Variants in CDH4 observed in about 807,000 individuals in gnomAD.
The protein encoded by CDH4 is cadherin-4.
CDH4 carries 33 observed loss-of-function variants against 86.0 expected under a neutral mutation model. The ratio of observed to expected loss-of-function variants is 0.38; its 90% CI spans 0.29 to 0.51. The LOEUF is 0.51. Among genes scored for constraint, CDH4 ranks in the 20% least tolerant of loss-of-function variants. The pLI is 0.86. For missense variants in CDH4, 1,114 were observed against 1,307.4 expected (o/e 0.85, Z 2.28); for synonymous variants, 555 against 549.4 (o/e 1.01, Z -0.14).
At chr20:61,626,634 G>A (rs1238231389) in intron 2 of CDH4, among the ~76,000 whole-genome samples, 4 of 152,166 alleles carry the variant, frequency 2.6e-5, no homozygotes, top group Non-Finnish European at 2.9e-5. Context: ...TTCCACGCCC[G>A]GGCTTAGCTA....
intron 9 of CDH4, among the ~76,000 whole-genome samples, chr20:61,913,820 C>G (rs190399080): frequency 1.3e-5 from 2 of 152,310 alleles, no homozygotes; most frequent in East Asian, 3.9e-4. Flanking sequence ...GAGGTGCTGA[C>G]AGCAGCCAGG....
chr20:61,337,812 C>T (rs1041236096), intron 2 of CDH4, among the ~76,000 whole-genome samples: 1 of 152,130 alleles, frequency 6.6e-6, no homozygotes, highest in Admixed American at 6.6e-5. Context: ...TAAACCTGTG[C>T]CCGCACCAAT....
chr20:61,621,659 G>T (rs2086778977), intron 2 of CDH4, among the ~76,000 whole-genome samples: 1 of 152,158 alleles, frequency 6.6e-6, no homozygotes, highest in Admixed American at 6.5e-5. Flanking sequence ...CCAGAGCAAA[G>T]CACCCAACAG....
chr20:61,451,123 C>CT (rs1568849718), intron 2 of CDH4, among the ~76,000 whole-genome samples: 1 of 73,138 alleles, frequency 1.4e-5, no homozygotes, highest in Non-Finnish European at 2.4e-5. Flanking sequence ...CCCTCTCACG[C>CT]CCCCCCCCTT....
intron 2 of CDH4, among the ~76,000 whole-genome samples, chr20:61,418,587 G>A (rs1410032450): frequency 6.6e-6 from 1 of 152,158 alleles, no homozygotes; most frequent in African/African-American, 2.4e-5. Flanking sequence ...TCTATCAGAT[G>A]GGCTGATAAT....
At chr20:61,790,333 C>G (rs1979108231) in intron 4 of CDH4, among the ~76,000 whole-genome samples, 1 of 151,852 alleles carries the variant, frequency 6.6e-6, no homozygotes, top group South Asian at 2.1e-4. Flanking sequence ...TTTCATCTCT[C>G]CATTCATCCA....
Position 61,544,335 on chromosome 20 carries a change from T to C in CDH4, c.170-199228T>C, listed in dbSNP as rs1043524429. On this transcript the variant is annotated intron_variant, in intron 2 of 15. Coordinates refer to ENST00000614565, the MANE Select transcript of CDH4 (RefSeq NM_001794.5). The surrounding 1 kb of genome is among the most constrained non-coding windows in gnomAD (Gnocchi z 6.5). ...CCAGGACAGCCTCGCAGCAGAAGCA[T>C]CCAGCTCCATGTATCACTCGTGTCC... Among the ~76,000 whole-genome samples, 24 of 151,806 alleles carry C rather than the reference T, an allele frequency of 1.6e-4. 1 individual carries two copies. The highest frequency in any genetic ancestry group is 5.1e-4 in the African/African-American group (21 of 41,314).
At chr20:61,894,820 T>C (rs1568872193) in intron 7 of CDH4, 90 bp from the exon 8 acceptor site, 1 of 1,422,376 alleles carries the variant, frequency 7.0e-7, no homozygotes, top group East Asian at 2.3e-5. Context: ...GGAACTCCGT[T>C]CCTGTAAACG....
chr20:61,259,687 G>A (rs1409485912), intron 2 of CDH4, among the ~76,000 whole-genome samples: 1 of 152,084 alleles, frequency 6.6e-6, no homozygotes, highest in Non-Finnish European at 1.5e-5. Flanking sequence ...TCTCTCCCTT[G>A]CCAACAAACC....
rs1053860767 is a variant in CDH4 at position 61,311,360 on chromosome 20, C to T, written c.169+56423C>T. ...AATAAATTTTATTAAAAAGGTTTCA[C>T]ATTAAAAGGCAAACATATTGGGAAA... is the stretch of plus-strand genomic sequence containing the variant. On this transcript the variant is annotated intron_variant, in intron 2 of 15. Coordinates refer to ENST00000614565, the MANE Select transcript of CDH4 (RefSeq NM_001794.5). 4.6e-5 allele frequency among the ~76,000 whole-genome samples: 7 copies of T among 152,140 alleles called. No homozygotes were observed. In the East Asian group the frequency reaches 9.6e-4, roughly 21 times the overall value.
At chr20:61,296,045 C>T (rs1442151720) in intron 2 of CDH4, among the ~76,000 whole-genome samples, 2 of 151,910 alleles carry the variant, frequency 1.3e-5, no homozygotes, top group Non-Finnish European at 2.9e-5. Flanking sequence ...AGTTAATGGC[C>T]GAGCCAGGAC....
At chr20:61,916,511 C>G (rs1027862322) in intron 9 of CDH4, among the ~76,000 whole-genome samples, 3 of 152,264 alleles carry the variant, frequency 2.0e-5, no homozygotes, top group African/African-American at 7.2e-5. Context: ...CTGCTGTCGT[C>G]ATCATAACCA....
intron 2 of CDH4, among the ~76,000 whole-genome samples, chr20:61,390,350 C>T (rs1330894463): frequency 7.6e-6 from 1 of 132,332 alleles, no homozygotes; most frequent in Non-Finnish European, 1.6e-5. Context: ...TCTAGGAAAC[C>T]CCGATTGGGT....
In CDH4 at chr20:61,811,662, G is replaced by C. The variant is rs923035071; in HGVS notation, c.577-33006G>C. Among the ~76,000 whole-genome samples the C allele has an allele frequency of 6.8e-6, 1 of 147,040 alleles. No individual in the cohort carries two copies. Among genetic ancestry groups the C allele is most frequent in the Non-Finnish European group, 1.5e-5 (1 of 67,136 alleles). ...TCACGCCCCTGCCACCCGGGGTCACGCCCCTGGCTGCCTACTGAGCTTTTT... is the reference window on the plus strand; with the variant it reads ...TCACGCCCCTGCCACCCGGGGTCACCCCCCTGGCTGCCTACTGAGCTTTTT... On this transcript the variant is annotated intron_variant, in intron 4 of 15. Transcript: ENST00000614565. The surrounding 1 kb of genome is among the most constrained non-coding windows in gnomAD (Gnocchi z 4.4).
chr20:61,384,435 C>T (rs543309357), intron 2 of CDH4, among the ~76,000 whole-genome samples: 8 of 152,274 alleles, frequency 5.3e-5, no homozygotes, highest in African/African-American at 1.2e-4. Context: ...TAGAGAAGGC[C>T]GTGCTTCCAC....
intron 2 of CDH4, among the ~76,000 whole-genome samples, chr20:61,702,798 A>G (rs1413098356): frequency 6.6e-6 from 1 of 152,194 alleles, no homozygotes; most frequent in Non-Finnish European, 1.5e-5. Context: ...TTTCCAAAGT[A>G]CTTTGAAGGA....
intron 2 of CDH4, among the ~76,000 whole-genome samples, chr20:61,700,639 C>T (rs2087764769): frequency 6.6e-6 from 1 of 152,028 alleles, no homozygotes; most frequent in South Asian, 2.1e-4. Flanking sequence ...CACACATCAC[C>T]CCATACAGCC....
At chr20:61,541,318 C>T (rs150814165) in intron 2 of CDH4, among the ~76,000 whole-genome samples, 6 of 152,304 alleles carry the variant, frequency 3.9e-5, no homozygotes, top group East Asian at 3.9e-4. Context: ...CAAGCAAGGA[C>T]GAAGCTCCTC....
At chr20:61,801,500 C>T (rs1979828418) in intron 4 of CDH4, among the ~76,000 whole-genome samples, 1 of 152,210 alleles carries the variant, frequency 6.6e-6, no homozygotes, top group Non-Finnish European at 1.5e-5. Flanking sequence ...TTGCCGGGAG[C>T]TGCTGTCACA....
Sources: gnomAD v4.1 joint callset for allele counts (sites outside exome capture counted in the v4.1 genomes callset) on GRCh38, gnomAD v4.1.1 for gene constraint, Gnocchi (gnomAD v3.1) non-coding constraint, MANE v1.5 for transcripts, NCBI Gene and HGNC (gene_info 2026-07-23, HGNC 2026-07-21) for gene names.